The following NRXN3 variants were observed in gnomAD, a reference collection of about 807,000 sequenced individuals.
NRXN3 encodes neurexin 3.
Under a neutral mutation model 137.6 loss-of-function variants are expected in NRXN3, and 32 were observed. The ratio of observed to expected loss-of-function variants is 0.23; its 90% CI spans 0.18 to 0.31. NRXN3 has a LOEUF of 0.31. Ranked by LOEUF, NRXN3 falls within the 10% of genes least tolerant of loss-of-function variation. The pLI is 1.00. For missense variants in NRXN3, 1,574 were observed against 2,062.5 expected, an observed-to-expected ratio of 0.76 and a Z score of 4.59; for synonymous variants, 798 against 784.5, an observed-to-expected ratio of 1.02 and a Z score of -0.29.
At chr14:79,171,400 G>C (rs1346422778) in intron 15 of NRXN3, among the ~76,000 whole-genome samples, 2 of 152,110 alleles carry the variant, frequency 1.3e-5, no homozygotes, top group Admixed American at 1.3e-4. Flanking sequence ...TGAAATGAGT[G>C]CCCAGAAATC....
chr14:79,114,340 AT>A (rs1448212153), intron 15 of NRXN3, among the ~76,000 whole-genome samples: 2 of 152,196 alleles, frequency 1.3e-5, no homozygotes, highest in East Asian at 3.9e-4. Flanking sequence ...GGATGCAGGC[AT>A]TCTCTCCAAG....
intron 8 of NRXN3, among the ~76,000 whole-genome samples, chr14:78,739,427 G>A (rs2098554791): frequency 6.6e-6 from 1 of 152,148 alleles, no homozygotes; most frequent in African/African-American, 2.4e-5. Flanking sequence ...AAGAACTTTG[G>A]TTGCCCTCCA....
intron 15 of NRXN3, among the ~76,000 whole-genome samples, chr14:79,016,958 G>T (rs990436009): frequency 1.3e-5 from 2 of 152,110 alleles, no homozygotes; most frequent in African/African-American, 4.8e-5. Flanking sequence ...TGGGGAAAAG[G>T]CTCGTGGGCA....
intron 19 of NRXN3, among the ~76,000 whole-genome samples, chr14:79,730,042 T>G (rs1350516213): frequency 6.6e-6 from 1 of 152,170 alleles, no homozygotes; most frequent in African/African-American, 2.4e-5. Flanking sequence ...GAAAGGGGGC[T>G]GCTATCTGGG....
intron 10 of NRXN3, among the ~76,000 whole-genome samples, chr14:78,914,589 G>C (rs935482664): frequency 6.6e-6 from 1 of 152,120 alleles, no homozygotes; most frequent in Non-Finnish European, 1.5e-5. Context: ...ATTGCAAACA[G>C]AGGAAGCAGA....
chr14:79,742,627 A>G (rs915944389), intron 19 of NRXN3, among the ~76,000 whole-genome samples: 4 of 152,142 alleles, frequency 2.6e-5, no homozygotes, highest in African/African-American at 9.7e-5. Context: ...TGATCTAATT[A>G]TGTTCTGGTT....
intron 15 of NRXN3, among the ~76,000 whole-genome samples, chr14:79,127,536 A>C (rs373992484): frequency 6.6e-6 from 1 of 151,720 alleles, no homozygotes; most frequent in East Asian, 1.9e-4. Context: ...TTGATCTATA[A>C]CTCTGTTTTG....
chr14:79,854,254 A>T (rs2099397859), intron 20 of NRXN3: 1 of 572,012 alleles, frequency 1.7e-6, no homozygotes, highest in Non-Finnish European at 2.2e-6. Context: ...ATGCTTTTTT[A>T]GTTTAAATTA....
At chr14:79,075,807 G>A (rs1356509151) in intron 15 of NRXN3, among the ~76,000 whole-genome samples, 2 of 152,160 alleles carry the variant, frequency 1.3e-5, no homozygotes, top group Non-Finnish European at 2.9e-5. Context: ...AATGTGTGTG[G>A]CAGGCGGGGA....
chr14:79,441,834 G>A (rs777609008), intron 15 of NRXN3, among the ~76,000 whole-genome samples: 1 of 150,306 alleles, frequency 6.7e-6, no homozygotes, highest in Non-Finnish European at 1.5e-5. Context: ...TGTTCAATAA[G>A]ATGGAAGCAA....
chr14:78,441,876 C>T (rs1222800664), intron 4 of NRXN3, among the ~76,000 whole-genome samples: 2 of 152,078 alleles, frequency 1.3e-5, no homozygotes, highest in Non-Finnish European at 2.9e-5. Flanking sequence ...GCAGGTGGGT[C>T]ATCTGAGGTC....
intron 15 of NRXN3, among the ~76,000 whole-genome samples, chr14:79,388,833 G>A (rs1406827693): frequency 6.6e-6 from 1 of 152,148 alleles, no homozygotes; most frequent in Non-Finnish European, 1.5e-5. Context: ...GGGACCCAGT[G>A]GGAGGTAATT....
At chr14:79,430,028 C>T (rs958992433) in intron 15 of NRXN3, among the ~76,000 whole-genome samples, 2 of 151,666 alleles carry the variant, frequency 1.3e-5, no homozygotes, top group African/African-American at 4.8e-5. Context: ...GATCTCAGAT[C>T]TCATTGTATA....
At chr14:78,275,694 A>G (rs1162593671) in intron 2 of NRXN3, among the ~76,000 whole-genome samples, 3 of 152,148 alleles carry the variant, frequency 2.0e-5, no homozygotes, top group Non-Finnish European at 1.5e-5. Flanking sequence ...TGGAAATAGA[A>G]TATTCTCAAG....
intron 17 of NRXN3, among the ~76,000 whole-genome samples, chr14:79,685,476 TTA>T (rs1295123441): frequency 6.8e-6 from 1 of 146,304 alleles, no homozygotes. Context: ...TACAGTCAGT[TTA>T]TGTTTTGTTA....
chr14:79,655,948 T>A (rs1002587092), intron 16 of NRXN3, among the ~76,000 whole-genome samples: 3 of 152,112 alleles, frequency 2.0e-5, no homozygotes, highest in African/African-American at 7.2e-5. Context: ...CACACTAGAG[T>A]TTCTGATTCA....
Position 79,732,171 on chromosome 14 carries a change from G to A in NRXN3, c.4014+34234G>A, listed in dbSNP as rs181212869. Among the ~76,000 whole-genome samples, 45 of 152,124 alleles carry A rather than the reference G, an allele frequency of 3.0e-4. 1 individual carries two copies. In the East Asian group the frequency reaches 6.6e-3, roughly 22 times the overall value. The stretch of plus-strand genomic sequence containing the variant: ...AGAGACATGGAGAACACAGTGCAGT[G>A]CTCATTCTCTCTCAGCCTCTCTGTT... On this transcript the variant is annotated intron_variant, in intron 19 of 20. Coordinates refer to ENST00000335750, the MANE Select transcript of NRXN3 (RefSeq NM_001330195.2).
At chr14:79,453,449 T>C (rs1177877384) in intron 15 of NRXN3, among the ~76,000 whole-genome samples, 2 of 152,258 alleles carry the variant, frequency 1.3e-5, no homozygotes, top group Non-Finnish European at 2.9e-5. Context: ...TTCTTCTGGC[T>C]GAAGGCCAGA....
chr14:78,365,580 T>C (rs719055), intron 4 of NRXN3, among the ~76,000 whole-genome samples: 149,352 of 152,314 alleles, frequency 0.98, 73,266 homozygotes, highest in Non-Finnish European at 1. Flanking sequence ...CAGGGAAAGC[T>C]GGGACATGTT....
Sources: allele counts gnomAD v4.1 joint callset (sites outside exome capture counted in the v4.1 genomes callset), GRCh38; gene constraint gnomAD v4.1.1; transcripts MANE v1.5; gene names NCBI Gene and HGNC (gene_info 2026-07-23, HGNC 2026-07-21).